The following CCL17 variants were observed in gnomAD, a reference collection of about 807,000 sequenced individuals.
CCL17 encodes the protein C-C motif chemokine 17.
In CCL17, 8 loss-of-function variants were observed where a neutral mutation model predicts 7.4. The ratio of observed to expected loss-of-function variants is 1.09; its 90% CI spans 0.64 to 1.96. The LOEUF is 1.96. Ranked by LOEUF, CCL17 falls within the 30% of genes most tolerant of loss-of-function variation. The pLI is 0.00. For missense variants in CCL17, 102 were observed against 113.0 expected (o/e 0.90, Z 0.44); for synonymous variants, 40 against 46.1 (o/e 0.87, Z 0.54).
At chr16:57,414,409 T>TC (rs1902833931) in intron 2 of CCL17, among the ~76,000 whole-genome samples, 2 of 128,842 alleles carry the variant, frequency 1.6e-5, no homozygotes, top group Admixed American at 8.4e-5. Flanking sequence ...AAAAAAGGAT[T>TC]CTTTTTTTTT....
At chr16:57,403,629 T>A (rs1215707239), upstream of CCL17, among the ~76,000 whole-genome samples, 124 of 67,028 alleles carry the variant, frequency 1.8e-3, no homozygotes, top group African/African-American at 8.0e-3. Context: ...TAATATATAT[T>A]ATATATATTA....
upstream of CCL17, among the ~76,000 whole-genome samples, chr16:57,403,629 T>TATATATATTTATAATATATATA (rs1902651040): frequency 3.0e-5 from 2 of 67,128 alleles, no homozygotes; most frequent in African/African-American, 8.9e-5. Flanking sequence ...TAATATATAT[T>TATATATATTTATAATATATATA]ATATATATTA....
intron 2 of CCL17, 145 bp from the exon 3 acceptor site, chr16:57,414,936 A>C (rs1902844748): frequency 2.9e-6 from 2 of 691,538 alleles, no homozygotes; most frequent in East Asian, 2.5e-5. Context: ...ACACATACAC[A>C]TAGGCAGTGA....
upstream of CCL17, among the ~76,000 whole-genome samples, chr16:57,399,921 A>G (rs1294632067): frequency 6.6e-6 from 1 of 152,214 alleles, no homozygotes; most frequent in Admixed American, 6.5e-5. Flanking sequence ...ACAGAAAGCC[A>G]ATCACTGAGA....
intron 1 of CCL17, among the ~76,000 whole-genome samples, chr16:57,405,401 G>A (rs1902679342): frequency 1.3e-5 from 2 of 152,308 alleles, no homozygotes; most frequent in South Asian, 4.1e-4. Flanking sequence ...TGTAATGTGG[G>A]GGATGGAGGC....
chr16:57,415,912 C>G lies in CCL17; in HGVS notation c.*51C>G. On this transcript the variant is annotated 3_prime_UTR_variant, in exon 4 of 4. Coordinates refer to ENST00000219244, the MANE Select transcript of CCL17 (RefSeq NM_002987.3). This position sits in a 1 kb window ranked among gnomAD's most constrained non-coding sequence, Gnocchi z 4.5. ...TGTCTCCCGGGACTACCTGGGACCT[C>G]CACCGTTGGTGTTCACCGCCCCCAC... 7.9e-7 allele frequency: 1 copy of G among 1,261,004 alleles called. No individual in the cohort carries two copies. Among genetic ancestry groups the G allele is most frequent in the African/African-American group, 1.5e-5 (1 of 67,928 alleles). 78.1% of individuals were successfully genotyped at this position (1,261,004 alleles called of 1,614,324 possible).
chr16:57,408,647 C>A (rs1243788262), intron 1 of CCL17, among the ~76,000 whole-genome samples: 1 of 151,966 alleles, frequency 6.6e-6, no homozygotes, highest in Non-Finnish European at 1.5e-5. Context: ...CGGCTCACTG[C>A]AATCTCCACC....
At chr16:57,412,912 A>C (rs1007443314) in intron 1 of CCL17, among the ~76,000 whole-genome samples, 7 of 152,190 alleles carry the variant, frequency 4.6e-5, no homozygotes, top group Non-Finnish European at 8.8e-5. Context: ...AAGCCAGTTC[A>C]CCAACTTTAT....
the CCL17 span, among the ~76,000 whole-genome samples, chr16:57,397,594 G>A: frequency 1.3e-5 from 2 of 152,166 alleles, no homozygotes; most frequent in Admixed American, 6.5e-5. Context: ...GTGTAAGACT[G>A]CCACTTCCTT....
At chr16:57,396,797 G>A in the CCL17 span, among the ~76,000 whole-genome samples, 1 of 152,286 alleles carries the variant, frequency 6.6e-6, no homozygotes, top group African/African-American at 2.4e-5. Context: ...TGGGATAGTA[G>A]GTGCCCCAGG....
At chr16:57,409,066 G>A (rs1225392227) in intron 1 of CCL17, among the ~76,000 whole-genome samples, 1 of 152,136 alleles carries the variant, frequency 6.6e-6, no homozygotes, top group Non-Finnish European at 1.5e-5. Flanking sequence ...GGGATAAGTT[G>A]GAACACAAAA....
chr16:57,414,306 C>CA (rs1438004701), intron 2 of CCL17, among the ~76,000 whole-genome samples: 4 of 148,402 alleles, frequency 2.7e-5, no homozygotes, highest in Non-Finnish European at 5.9e-5. Flanking sequence ...GAACAATTCT[C>CA]AAAATTATTT....
At chr16:57,412,507 C>T (rs937148146) in intron 1 of CCL17, among the ~76,000 whole-genome samples, 6 of 152,198 alleles carry the variant, frequency 3.9e-5, no homozygotes, top group African/African-American at 1.4e-4. Flanking sequence ...TGACAAATAG[C>T]GGCTGTTGCA....
At chr16:57,409,633 C>G (rs1489688335) in intron 1 of CCL17, among the ~76,000 whole-genome samples, 3 of 152,106 alleles carry the variant, frequency 2.0e-5, no homozygotes, top group Non-Finnish European at 2.9e-5. Flanking sequence ...GGATTCAGGA[C>G]GCATGCAGGT....
At chr16:57,405,447 G>A (rs1025122058) in intron 1 of CCL17, among the ~76,000 whole-genome samples, 2 of 152,182 alleles carry the variant, frequency 1.3e-5, no homozygotes, top group South Asian at 4.1e-4. Context: ...CAGACTTGGG[G>A]GCAGATGGGG....
intron 1 of CCL17, among the ~76,000 whole-genome samples, chr16:57,408,176 A>C (rs1426454431): frequency 6.6e-6 from 1 of 151,622 alleles, no homozygotes. Context: ...CCATCCATCC[A>C]CCAATCCATC....
At chr16:57,413,801 G>C in intron 1 of CCL17, 73 bp from the exon 2 acceptor site, 1 of 625,156 alleles carries the variant, frequency 1.6e-6, no homozygotes. Flanking sequence ...AAGGATGTGA[G>C]GAGGTGACAG....
chr16:57,403,416 TTATATTATAATA>T (rs1435030953), upstream of CCL17, among the ~76,000 whole-genome samples: 6 of 18,442 alleles, frequency 3.3e-4, 1 homozygote, highest in African/African-American at 2.9e-3. Flanking sequence ...AATATATATA[TTATATTATAATA>T]TATATTATAA....
Position 57,415,446 on chromosome 16 carries a change from G to A in CCL17, c.188+248G>A, listed in dbSNP as rs1392350084. 2.6e-5 allele frequency among the ~76,000 whole-genome samples: 4 copies of A among 152,258 alleles called. No homozygotes were observed. Among genetic ancestry groups the A allele is most frequent in the African/African-American group, 9.6e-5 (4 of 41,474 alleles). On this transcript the variant is annotated intron_variant, in intron 3 of 3. Coordinates refer to ENST00000219244, the MANE Select transcript of CCL17 (RefSeq NM_002987.3). This position sits in a 1 kb window ranked among gnomAD's most constrained non-coding sequence, Gnocchi z 4.5. The stretch of plus-strand genomic sequence containing the variant: ...CACCCCCAGGTCACACAGCTGGTCA[G>A]GGGCAATGTGGTCACCTCCCCCAGC...
Sources: gnomAD v4.1 joint callset for allele counts (sites outside exome capture counted in the v4.1 genomes callset) on GRCh38, gnomAD v4.1.1 for gene constraint, Gnocchi (gnomAD v3.1) non-coding constraint, MANE v1.5 for transcripts, NCBI Gene and HGNC (gene_info 2026-07-23, HGNC 2026-07-21) for gene names.